SLC4A9: variants seen among roughly 807,000 people sequenced by gnomAD.
SLC4A9 encodes anion exchange protein 4.
Under a neutral mutation model 103.2 loss-of-function variants are expected in SLC4A9, and 102 were observed. That is an observed-to-expected ratio of 0.99 (90% confidence interval 0.84 to 1.17). The LOEUF is 1.17. SLC4A9 is among the 50% of genes most tolerant of loss of function. The pLI is 0.00. For missense variants in SLC4A9, 1,091 were observed against 1,193.7 expected, an observed-to-expected ratio of 0.91 and a Z score of 1.27; for synonymous variants, 453 against 483.6, an observed-to-expected ratio of 0.94 and a Z score of 0.83.
intron 3 of SLC4A9, 99 bp from the exon 4 acceptor site, chr5:140,361,709 A>G: frequency 1.5e-6 from 2 of 1,334,322 alleles, no homozygotes; most frequent in African/African-American, 1.4e-5. Context: ...GGTATACTCT[A>G]ATTCTTACAG....
chr5:140,361,215 A>G (rs2126738681), intron 2 of SLC4A9, 39 bp from the exon 3 acceptor site: 1 of 1,499,098 alleles, frequency 6.7e-7, no homozygotes, highest in East Asian at 2.5e-5. Context: ...TGCGGCAGGG[A>G]ACTCTCAGGA....
rs765231120 is a variant in SLC4A9, at chr5:140,372,259, G to C, written c.2688G>C (p.Gly896=). 2 of 1,568,198 alleles carry C rather than the reference G, an allele frequency of 1.3e-6. No homozygotes were observed. The highest frequency in any genetic ancestry group is 1.2e-5 in the South Asian group (1 of 83,866). The change falls in exon 20 of 22, where the codon GGG becomes GGC. Residue 896 remains glycine (G), a synonymous_variant. Transcript: ENST00000506757. The stretch of plus-strand genomic sequence containing the variant: ...TCCTGCAGTTGCTGGGCCTTGTGGG[G>C]GTCCGAAAGGCCCTGGAGAGGGTCT... ...IFPLMLLGLV[G]VRKALERVFS...
chr5:140,367,511 T>C lies in SLC4A9; in HGVS notation c.2105T>C (p.Leu702Pro), dbSNP rs1248744290. The change falls in exon 15 of 22, where the codon CTG becomes CCG. Residue 702 changes from leucine to proline, a missense_variant. Leu to Pro is a moderately conservative substitution (Grantham distance 98). Transcript: ENST00000506757. ...GCAGCTGCCCTGCCTGCCCTGCTGC[T>C]GTCTATCCTCATCTTCATGGACCAA... ...SVAAALPALLLSILIFMDQQI... is the reference protein window; with the variant it reads ...SVAAALPALLPSILIFMDQQI... 2.5e-6 allele frequency: 4 copies of C among 1,605,238 alleles called. No homozygotes were observed. The African/African-American group carries it at 5.4e-5, about 21-fold the overall frequency.
At chr5:140,364,007 A>G (rs1581139984) in intron 9 of SLC4A9, 47 bp from the exon 10 acceptor site, 2 of 1,530,386 alleles carry the variant, frequency 1.3e-6, no homozygotes, top group East Asian at 4.6e-5. Context: ...GCTTCAAAGG[A>G]CCCCGAGGAC....
At chr5:140,371,277 T>A in intron 18 of SLC4A9, 114 bp downstream of exon 18, 1 of 1,385,220 alleles carries the variant, frequency 7.2e-7, no homozygotes, top group South Asian at 1.2e-5. Context: ...TGGCATCTCC[T>A]GCTTACACTT....
At chr5:140,366,318 A>G in intron 14 of SLC4A9, 54 bp downstream of exon 14, 1 of 1,261,156 alleles carries the variant, frequency 7.9e-7, no homozygotes, top group Non-Finnish European at 1.1e-6. Flanking sequence ...GGGCCAGCAG[A>G]CCATGGGGAA....
Position 140,363,654 on chromosome 5 carries a change from G to C in SLC4A9, c.1080-74G>C. On this transcript the variant is annotated intron_variant, in intron 8 of 21. Transcript: ENST00000506757. The surrounding 1 kb of genome is among the most constrained non-coding windows in gnomAD (Gnocchi z 4.5). Reference sequence around the variant, plus strand: ...TGCTCACTGTGGGAGGGGCTCACCCGGTCACAGGGAAAGTAGCGGGGATGC... The same window carrying C: ...TGCTCACTGTGGGAGGGGCTCACCCCGTCACAGGGAAAGTAGCGGGGATGC... The C allele has an allele frequency of 1.9e-6, 3 of 1,588,450 alleles. No individual in the cohort carries two copies. The South Asian group carries it at 3.4e-5, about 18-fold the overall frequency.
Position 140,363,839 on chromosome 5 carries a change from G to A in SLC4A9, c.1191G>A (p.Leu397=). Residue 397 remains leucine, a synonymous_variant, in exon 9 of 22, where the codon CTG becomes CTA. Coordinates refer to ENST00000506757, the MANE Select transcript of SLC4A9 (RefSeq NM_031467.3). This position sits in a 1 kb window ranked among gnomAD's most constrained non-coding sequence, Gnocchi z 4.5. Reference sequence around the variant, plus strand: ...TCTCGGCCGTACTCTACATTTACCTGGCCACTGTCACTAATGCCATCACTT... The same window carrying A: ...TCTCGGCCGTACTCTACATTTACCTAGCCACTGTCACTAATGCCATCACTT... The part of the protein sequence containing the change: ...QCFSAVLYIY[L]ATVTNAITFG... The A allele has an allele frequency of 6.2e-7, 1 of 1,613,988 alleles. No homozygotes were observed. The highest frequency in any genetic ancestry group is 8.5e-7 in the Non-Finnish European group (1 of 1,179,878).
intron 15 of SLC4A9, 67 bp downstream of exon 15, chr5:140,367,648 C>A: frequency 6.2e-7 from 1 of 1,603,784 alleles, no homozygotes; most frequent in Non-Finnish European, 8.5e-7. Flanking sequence ...CGCTCCTCCT[C>A]TCCTACCTCA....
intron 1 of SLC4A9, 144 bp from the exon 2 acceptor site, chr5:140,360,668 G>T: frequency 1.5e-6 from 2 of 1,360,200 alleles, no homozygotes; most frequent in Non-Finnish European, 2.0e-6. Flanking sequence ...TAGATGAGGG[G>T]TGACTGCCAG....
Position 140,360,198 on chromosome 5 carries a change from C to A in SLC4A9, c.-39C>A. Reference sequence around the variant, plus strand: ...AGCCAGAGGGCCCCTGGCTTCAGAACCTAGGACTGTACTGGTTCTGAGATT... The same window carrying A: ...AGCCAGAGGGCCCCTGGCTTCAGAAACTAGGACTGTACTGGTTCTGAGATT... On this transcript the variant is annotated 5_prime_UTR_variant, in exon 1 of 22. Coordinates refer to ENST00000506757, the MANE Select transcript of SLC4A9 (RefSeq NM_031467.3). 6.4e-7 allele frequency: 1 copy of A among 1,567,120 alleles called. No homozygotes were observed. The highest frequency in any genetic ancestry group is 2.3e-5 in the East Asian group (1 of 43,776).
In SLC4A9 at chr5:140,363,400, G is replaced by A; in HGVS notation, c.963-39G>A. On this transcript the variant is annotated intron_variant, in intron 7 of 21. Transcript: ENST00000506757. This position sits in a 1 kb window ranked among gnomAD's most constrained non-coding sequence, Gnocchi z 4.5. ...CTCTGGACCGAGTCGCAGACTGGTT[G>A]GAGATCCTCAGCCAACCTGGGGTTC... The A allele has an allele frequency of 6.5e-7, 1 of 1,529,792 alleles. No individual in the cohort carries two copies. Among genetic ancestry groups the A allele is most frequent in the Non-Finnish European group, 8.9e-7 (1 of 1,128,446 alleles). 94.8% of individuals were successfully genotyped at this position (1,529,792 alleles called of 1,614,324 possible). A position where few individuals can be genotyped will look rare whatever the true frequency, so the allele number is the denominator to read the frequency against.
chr5:140,366,502 T>C (rs1358205793), intron 14 of SLC4A9, among the ~76,000 whole-genome samples: 1 of 152,164 alleles, frequency 6.6e-6, no homozygotes, highest in Non-Finnish European at 1.5e-5. Flanking sequence ...GTTAAGAGAA[T>C]GGGTTCTGAT....
At position 140,364,626 on chromosome 5, in the gene SLC4A9, G is replaced by A. The variant is rs1464812003; in HGVS notation, c.1651+1G>A. 6.3e-7 allele frequency: 1 copy of A among 1,598,694 alleles called. No homozygotes were observed. The highest frequency in any genetic ancestry group is 8.5e-7 in the Non-Finnish European group (1 of 1,172,274). On this transcript the variant is annotated splice_donor_variant, in intron 11 of 21. Transcript: ENST00000506757. LOFTEE classifies it high-confidence loss of function. Reference sequence around the variant, plus strand: ...CTCTGCCAATACCCAGGCCCAGGAGGTGGGTAAGGGAAACAGGGACCTTGG... The same window carrying A: ...CTCTGCCAATACCCAGGCCCAGGAGATGGGTAAGGGAAACAGGGACCTTGG...
intron 15 of SLC4A9, 41 bp downstream of exon 15, chr5:140,367,622 G>A: frequency 6.3e-7 from 1 of 1,598,588 alleles, no homozygotes; most frequent in Non-Finnish European, 8.5e-7. Context: ...AGGGACAGAA[G>A]CTCCAGGGGA....
In SLC4A9 at chr5:140,366,188, C is replaced by A; in HGVS notation, c.1937C>A (p.Ala646Asp). ...CTCAGCGACTTCTCCTCAGTCCTGG[C>A]CATCCTGCTCGGCTGTGGCCTTGAT... ...KGLSDFSSVL[A>D]ILLGCGLDAF... Residue 646 changes from alanine (A) to aspartate (D), a missense_variant, in exon 14 of 22, where the codon GCC becomes GAC. Ala to Asp is a moderately radical substitution (Grantham distance 126, BLOSUM62 -2). Coordinates refer to ENST00000506757, the MANE Select transcript of SLC4A9 (RefSeq NM_031467.3). The A allele has an allele frequency of 6.2e-7, 1 of 1,612,402 alleles. No homozygotes were observed. The highest frequency in any genetic ancestry group is 8.5e-7 in the Non-Finnish European group (1 of 1,179,110).
rs571142197 is a variant in SLC4A9 at position 140,367,646 on chromosome 5, C to T, written c.2175+65C>T. On this transcript the variant is annotated intron_variant, in intron 15 of 21. Transcript: ENST00000506757. ...AGCTCCAGGGGAGTCTACGCTCCTC[C>T]TCTCCTACCTCAGAGGACAGAGGGC... 3.7e-5 allele frequency: 59 copies of T among 1,602,770 alleles called. No homozygotes were observed. In the African/African-American group the frequency reaches 7.5e-4, roughly 20 times the overall value.
Position 140,363,936 on chromosome 5 carries a change from G to A in SLC4A9, c.1254+34G>A. The A allele has an allele frequency of 6.2e-7, 1 of 1,608,040 alleles. No homozygotes were observed. Among genetic ancestry groups the A allele is most frequent in the Non-Finnish European group, 8.5e-7 (1 of 1,177,052 alleles). ...GGCCCAGGGGGCAGGCACAAGCGTT[G>A]GTGTCCCCTAGTCCATCCCTTCCCC... On this transcript the variant is annotated intron_variant, in intron 9 of 21. Transcript: ENST00000506757. The surrounding 1 kb of genome is among the most constrained non-coding windows in gnomAD (Gnocchi z 4.5).
chr5:140,369,654 G>A (rs906600118), intron 17 of SLC4A9, among the ~76,000 whole-genome samples: 1 of 151,050 alleles, frequency 6.6e-6, no homozygotes, highest in Non-Finnish European at 1.5e-5. Context: ...AGATGGACCG[G>A]ATCAGCCACT....
Sources: gnomAD v4.1 joint callset for allele counts (sites outside exome capture counted in the v4.1 genomes callset) on GRCh38, gnomAD v4.1.1 for gene constraint, Gnocchi (gnomAD v3.1) non-coding constraint, MANE v1.5 for transcripts, NCBI Gene and HGNC (gene_info 2026-07-23, HGNC 2026-07-21) for gene names.